The following NLGN1 variants were observed in gnomAD, a reference collection of about 807,000 sequenced individuals.
NLGN1 encodes the protein neuroligin 1, also known as neuroligin-1.
NLGN1 carries 12 observed loss-of-function variants against 65.5 expected under a neutral mutation model. The observed-to-expected ratio is 0.18, with a 90% CI of 0.12 to 0.30. The LOEUF (loss-of-function observed/expected upper bound fraction) is 0.30, where lower values mean the gene tolerates loss of function less well. Among genes scored for constraint, NLGN1 ranks in the 10% least tolerant of loss-of-function variants. NLGN1 has a pLI of 1.00. For synonymous variants in NLGN1, 350 were observed against 359.5 expected (o/e 0.97, Z 0.30); for missense variants, 750 against 1,007.1 (o/e 0.74, Z 3.46).
At chr3:173,502,278 G>A (rs999799260) in intron 2 of NLGN1, among the ~76,000 whole-genome samples, 2 of 151,982 alleles carry the variant, frequency 1.3e-5, no homozygotes, top group Admixed American at 6.6e-5. Context: ...TAGAGACTTA[G>A]TAAGAGAAGA....
chr3:173,803,115 A>G (rs1715815032), intron 3 of NLGN1, among the ~76,000 whole-genome samples: 1 of 152,170 alleles, frequency 6.6e-6, no homozygotes, highest in African/African-American at 2.4e-5. Context: ...TGCTGGGGTT[A>G]CAGGCGTGAG....
chr3:173,875,623 C>T (rs185642572), intron 4 of NLGN1, among the ~76,000 whole-genome samples: 21 of 152,048 alleles, frequency 1.4e-4, no homozygotes, highest in Non-Finnish European at 2.8e-4. Context: ...AAAAAAGTAC[C>T]ATTATTTTTA....
intron 4 of NLGN1, among the ~76,000 whole-genome samples, chr3:173,950,819 A>AG (rs1310207954): frequency 6.6e-6 from 1 of 152,018 alleles, no homozygotes; most frequent in Non-Finnish European, 1.5e-5. Context: ...AAAAAAAAAA[A>AG]AAAGGTCCTA....
chr3:173,721,238 GA>G (rs1770784483), intron 3 of NLGN1, among the ~76,000 whole-genome samples: 1 of 152,222 alleles, frequency 6.6e-6, no homozygotes, highest in Non-Finnish European at 1.5e-5. Flanking sequence ...GTCACCAGGT[GA>G]AAATGAGCTT....
intron 4 of NLGN1, among the ~76,000 whole-genome samples, chr3:173,845,262 C>T (rs577284960): frequency 2.6e-5 from 4 of 152,168 alleles, no homozygotes; most frequent in Non-Finnish European, 4.4e-5. Context: ...ACTCAGTAGT[C>T]GAATCCTGGA....
intron 4 of NLGN1, among the ~76,000 whole-genome samples, chr3:173,932,611 A>G (rs1180908711): frequency 1.3e-5 from 2 of 152,216 alleles, no homozygotes; most frequent in African/African-American, 4.8e-5. Flanking sequence ...TTGTTCAGAT[A>G]GTAACAGCAC....
chr3:173,623,648 TG>T (rs1754373667), intron 3 of NLGN1, among the ~76,000 whole-genome samples: 1 of 152,070 alleles, frequency 6.6e-6, no homozygotes, highest in Admixed American at 6.6e-5. Context: ...AAAGATTGAT[TG>T]GGACATATTG....
At chr3:173,669,678 G>A (rs961624787) in intron 3 of NLGN1, among the ~76,000 whole-genome samples, 15 of 152,232 alleles carry the variant, frequency 9.9e-5, no homozygotes, top group African/African-American at 3.6e-4. Context: ...GAATTTGTGG[G>A]GACACAATTT....
At chr3:173,669,483 A>G (rs1762168414) in intron 3 of NLGN1, among the ~76,000 whole-genome samples, 3 of 150,882 alleles carry the variant, frequency 2.0e-5, no homozygotes, top group Admixed American at 1.3e-4. Context: ...CTCACATAAC[A>G]CTCTCCCTGT....
chr3:173,577,457 G>C (rs1396116910), intron 2 of NLGN1, among the ~76,000 whole-genome samples: 1 of 151,978 alleles, frequency 6.6e-6, no homozygotes, highest in African/African-American at 2.4e-5. Context: ...CTTCCTCCTA[G>C]TACAATTTAT....
intron 2 of NLGN1, among the ~76,000 whole-genome samples, chr3:173,602,080 G>A (rs1043047478): frequency 1.3e-5 from 2 of 151,998 alleles, no homozygotes; most frequent in African/African-American, 4.8e-5. Context: ...AATTAGCTAA[G>A]AGGCCCTGGC....
intron 4 of NLGN1, among the ~76,000 whole-genome samples, chr3:174,113,277 G>A (rs1429584315): frequency 3.3e-5 from 5 of 151,954 alleles, no homozygotes; most frequent in East Asian, 3.9e-4. Context: ...CTAATTTTAT[G>A]TACTTTCAAA....
intron 4 of NLGN1, among the ~76,000 whole-genome samples, chr3:174,219,130 G>C (rs1738172362): frequency 6.6e-6 from 1 of 152,084 alleles, no homozygotes; most frequent in African/African-American, 2.4e-5. Context: ...TCTGGCAAAT[G>C]ATGTCAATAG....
At chr3:173,942,463 C>A (rs1045426059) in intron 4 of NLGN1, among the ~76,000 whole-genome samples, 1 of 152,034 alleles carries the variant, frequency 6.6e-6, no homozygotes, top group Non-Finnish European at 1.5e-5. Context: ...CAGCCTAGTT[C>A]AGGTCATTGT....
intron 3 of NLGN1, among the ~76,000 whole-genome samples, chr3:173,752,480 T>C (rs1414983515): frequency 6.6e-6 from 1 of 152,098 alleles, no homozygotes; most frequent in East Asian, 1.9e-4. Flanking sequence ...ACCTAACATA[T>C]TCTTCAATCC....
intron 4 of NLGN1, among the ~76,000 whole-genome samples, chr3:173,957,892 C>T (rs758183478): frequency 2.6e-5 from 4 of 152,204 alleles, no homozygotes; most frequent in African/African-American, 4.8e-5. Context: ...GGATCCCACA[C>T]CTGCCAAGAT....
At chr3:174,106,979 A>ATC (rs1194498480) in intron 4 of NLGN1, among the ~76,000 whole-genome samples, 11 of 125,120 alleles carry the variant, frequency 8.8e-5, no homozygotes, top group South Asian at 2.6e-4. Flanking sequence ...CTCTTCAAGA[A>ATC]TCACACACAC....
intron 4 of NLGN1, among the ~76,000 whole-genome samples, chr3:173,889,719 G>A (rs1734983528): frequency 1.3e-5 from 2 of 152,106 alleles, no homozygotes; most frequent in Non-Finnish European, 2.9e-5. Context: ...ATAGTTGTTT[G>A]CCTGCCAACA....
intron 2 of NLGN1, among the ~76,000 whole-genome samples, chr3:173,446,667 T>C (rs541539578): frequency 3.3e-5 from 5 of 152,286 alleles, no homozygotes; most frequent in African/African-American, 1.2e-4. Context: ...GTTGAACTAG[T>C]TTACAGTCCC....
Sources: allele counts gnomAD v4.1 joint callset (sites outside exome capture counted in the v4.1 genomes callset), GRCh38; gene constraint gnomAD v4.1.1; transcripts MANE v1.5; gene names NCBI Gene and HGNC (gene_info 2026-07-23, HGNC 2026-07-21).